The following DLGAP1 variants were observed in gnomAD, a reference collection of about 807,000 sequenced individuals.
DLGAP1 encodes disks large-associated protein 1.
DLGAP1 carries 11 observed loss-of-function variants against 90.8 expected under a neutral mutation model. The ratio of observed to expected loss-of-function variants is 0.12; its 90% CI spans 0.08 to 0.20. The LOEUF (loss-of-function observed/expected upper bound fraction) is 0.20. DLGAP1 is among the 10% of genes least tolerant of loss of function. The probability of loss-of-function intolerance (pLI) is 1.00; values close to 1 mark genes in which losing one functional copy is unlikely to be tolerated. For synonymous variants in DLGAP1, 558 were observed against 540.7 expected (o/e 1.03, Z -0.44); for missense variants, 1,050 against 1,333.8 (o/e 0.79, Z 3.31).
At chr18:3,527,400 A>G (rs1011149338) in intron 10 of DLGAP1, among the ~76,000 whole-genome samples, 5 of 78,074 alleles carry the variant, frequency 6.4e-5, no homozygotes, top group Non-Finnish European at 1.3e-4. Flanking sequence ...TAAACAGGTT[A>G]TTTTCCAAAC....
chr18:4,276,410 C>A (rs182109611), intron 1 of DLGAP1, among the ~76,000 whole-genome samples: 18 of 151,864 alleles, frequency 1.2e-4, no homozygotes, highest in Admixed American at 1.0e-3. Flanking sequence ...CTGAGGCAGG[C>A]GGATCACTCG....
chr18:3,726,221 C>T (rs555136356), intron 7 of DLGAP1, among the ~76,000 whole-genome samples: 7 of 152,198 alleles, frequency 4.6e-5, no homozygotes, highest in Admixed American at 6.5e-5. Flanking sequence ...GCATCTGACC[C>T]GTGCATGTGG....
intron 5 of DLGAP1, among the ~76,000 whole-genome samples, chr18:3,763,448 A>G (rs1035545963): frequency 1.3e-5 from 2 of 151,914 alleles, no homozygotes; most frequent in African/African-American, 4.8e-5. Context: ...ATGAGTCAAT[A>G]CTCTTTAATA....
chr18:4,257,839 G>T (rs1218467956), intron 1 of DLGAP1, among the ~76,000 whole-genome samples: 1 of 151,672 alleles, frequency 6.6e-6, no homozygotes, highest in Admixed American at 6.6e-5. Flanking sequence ...TGGCCAGGCT[G>T]GTCTCAAACT....
At position 4,438,780 on chromosome 18, in the gene DLGAP1, C is replaced by T. The variant is rs1027189815; in HGVS notation, c.-267+16226G>A. Among the ~76,000 whole-genome samples, 5 of 152,272 alleles carry T rather than the reference C, an allele frequency of 3.3e-5. No homozygotes were observed. The East Asian group carries it at 9.6e-4, about 29-fold the overall frequency. On this transcript the variant is annotated intron_variant, in intron 1 of 12. Transcript: ENST00000315677. ...ATCACAGACATAACATTTATAAACT[C>T]ATTCCACTCCAGTGTTTATTTCATA... is the stretch of plus-strand genomic sequence containing the variant.
intron 3 of DLGAP1, among the ~76,000 whole-genome samples, chr18:3,897,453 G>A (rs1462687014): frequency 6.6e-6 from 1 of 152,166 alleles, no homozygotes; most frequent in Non-Finnish European, 1.5e-5. Flanking sequence ...GACAGGTACA[G>A]TTCTAGGAAC....
At chr18:4,236,531 A>C (rs2032160) in intron 1 of DLGAP1, among the ~76,000 whole-genome samples, 4,889 of 152,276 alleles carry the variant, frequency 0.032, 204 homozygotes, top group Admixed American at 0.078. Flanking sequence ...CTGAACCAAT[A>C]TCTTCAAACA....
chr18:4,386,541 C>G (rs1220615072), intron 1 of DLGAP1, among the ~76,000 whole-genome samples: 3 of 152,168 alleles, frequency 2.0e-5, no homozygotes, highest in Non-Finnish European at 4.4e-5. Context: ...AGTGATGTAA[C>G]AGTTTTAAGT....
chr18:4,008,487 G>A (rs1231358969), intron 2 of DLGAP1, among the ~76,000 whole-genome samples: 1 of 152,158 alleles, frequency 6.6e-6, no homozygotes, highest in African/African-American at 2.4e-5. Flanking sequence ...GTCGTGTCTT[G>A]TATCAGGCTA....
At chr18:3,588,979 C>A (rs953260514) in intron 7 of DLGAP1, among the ~76,000 whole-genome samples, 1 of 151,862 alleles carries the variant, frequency 6.6e-6, no homozygotes, top group Admixed American at 6.6e-5. Context: ...GTCGCGAGTT[C>A]GAAACCAGCC....
chr18:4,025,906 G>A (rs867690280), intron 2 of DLGAP1, among the ~76,000 whole-genome samples: 1 of 152,136 alleles, frequency 6.6e-6, no homozygotes, highest in East Asian at 1.9e-4. Flanking sequence ...ACAATCTCTT[G>A]TTATGATAAA....
intron 1 of DLGAP1, among the ~76,000 whole-genome samples, chr18:4,237,485 G>A (rs2078443156): frequency 6.6e-6 from 1 of 152,078 alleles, no homozygotes; most frequent in South Asian, 2.1e-4. Context: ...GGGAAGGACG[G>A]GGGTTGAGTG....
At chr18:3,861,346 A>T (rs2070040570) in intron 4 of DLGAP1, among the ~76,000 whole-genome samples, 2 of 152,264 alleles carry the variant, frequency 1.3e-5, no homozygotes, top group African/African-American at 4.8e-5. Flanking sequence ...AGGAAGAAGG[A>T]AAGCCATCAA....
chr18:4,268,501 G>T (rs1409085599), intron 1 of DLGAP1, among the ~76,000 whole-genome samples: 1 of 152,112 alleles, frequency 6.6e-6, no homozygotes, highest in Non-Finnish European at 1.5e-5. Flanking sequence ...CACACCGGCT[G>T]TAATTTATCT....
rs138239934 is a variant in DLGAP1 at position 3,542,752 on chromosome 18, C to A, written c.2058-8137G>T. Among the ~76,000 whole-genome samples, 25 of 152,220 alleles carry A rather than the reference C, an allele frequency of 1.6e-4. No homozygotes were observed. The East Asian group carries it at 3.9e-3, about 23-fold the overall frequency. On this transcript the variant is annotated intron_variant, in intron 9 of 12. Transcript: ENST00000315677. ...TAACACTTTCAGTTGTGAAGATGGG[C>A]GATGATTGCTTTATAAATTATTACA... is the stretch of plus-strand genomic sequence containing the variant.
intron 1 of DLGAP1, among the ~76,000 whole-genome samples, chr18:4,155,768 C>T (rs532029561): frequency 6.6e-6 from 1 of 152,178 alleles, no homozygotes; most frequent in South Asian, 2.1e-4. Flanking sequence ...AAGGATGGCT[C>T]ATGGCTTTTC....
At chr18:3,599,451 T>C (rs1599451851) in intron 7 of DLGAP1, among the ~76,000 whole-genome samples, 1 of 152,094 alleles carries the variant, frequency 6.6e-6, no homozygotes, top group Non-Finnish European at 1.5e-5. Flanking sequence ...CTAGTGGCTT[T>C]TAGAATTGGG....
intron 7 of DLGAP1, chr18:3,606,489 C>T (rs931253352): frequency 6.6e-5 from 10 of 152,184 alleles, no homozygotes; most frequent in Non-Finnish European, 1.5e-4. Context: ...ACTTCATAAG[C>T]CATCATATGC....
intron 2 of DLGAP1, among the ~76,000 whole-genome samples, chr18:4,032,827 C>T (rs143425280): frequency 2.0e-5 from 3 of 152,326 alleles, no homozygotes; most frequent in Non-Finnish European, 4.4e-5. Context: ...GTGCAAACCT[C>T]TCTGTCTCTG....
Sources: allele counts gnomAD v4.1 joint callset (sites outside exome capture counted in the v4.1 genomes callset), GRCh38; gene constraint gnomAD v4.1.1; transcripts MANE v1.5; gene names NCBI Gene and HGNC (gene_info 2026-07-23, HGNC 2026-07-21).